Variants in TENM2 observed in about 807,000 individuals in gnomAD.
TENM2 encodes the protein teneurin transmembrane protein 2, also known as teneurin-2.
In TENM2, 52 loss-of-function variants were observed where a neutral mutation model predicts 245.2. The ratio of observed to expected loss-of-function variants is 0.21; its 90% CI spans 0.17 to 0.27. The LOEUF (loss-of-function observed/expected upper bound fraction) is 0.27. TENM2 is among the 10% of genes least tolerant of loss of function. TENM2 has a pLI of 1.00. For synonymous variants in TENM2, 1,363 were observed against 1,438.9 expected (o/e 0.95, Z 1.19); for missense variants, 3,046 against 3,666.8 (o/e 0.83, Z 4.37).
chr5:167,700,061 C>A (rs1467356984), intron 2 of TENM2, among the ~76,000 whole-genome samples: 1 of 152,026 alleles, frequency 6.6e-6, no homozygotes, highest in Non-Finnish European at 1.5e-5. Flanking sequence ...GTTCTTCAGA[C>A]CTCTTCACAG....
the TENM2 span, among the ~76,000 whole-genome samples, chr5:167,231,404 C>G: frequency 6.6e-6 from 1 of 152,164 alleles, no homozygotes; most frequent in African/African-American, 2.4e-5. Flanking sequence ...CTCAGATGGT[C>G]TCACATGGAA....
intron 2 of TENM2, among the ~76,000 whole-genome samples, chr5:167,445,369 A>AGAGAGAGAGAGAGTGAGTGAGT (rs35699708): frequency 4.1e-5 from 4 of 98,576 alleles, no homozygotes; most frequent in African/African-American, 1.5e-4. Flanking sequence ...AGAGAGAGAG[A>AGAGAGAGAGAGAGTGAGTGAGT]GTGTCAGGTG....
At chr5:167,849,148 T>C (rs1327908220) in intron 2 of TENM2, among the ~76,000 whole-genome samples, 1 of 152,162 alleles carries the variant, frequency 6.6e-6, no homozygotes, top group Non-Finnish European at 1.5e-5. Context: ...TTTCCAGCTT[T>C]TATAAGCTGC....
At chr5:168,128,015 A>G (rs902985985) in intron 12 of TENM2, among the ~76,000 whole-genome samples, 1 of 152,214 alleles carries the variant, frequency 6.6e-6, no homozygotes, top group African/African-American at 2.4e-5. Flanking sequence ...GGGCTGATTC[A>G]TGAGATCAGA....
chr5:168,031,871 C>T (rs1443048651), intron 5 of TENM2, among the ~76,000 whole-genome samples: 1 of 152,074 alleles, frequency 6.6e-6, no homozygotes, highest in Non-Finnish European at 1.5e-5. Context: ...CTCACAGCTA[C>T]TAAAAACCAA....
At chr5:167,950,180 A>G (rs950347825) in intron 3 of TENM2, among the ~76,000 whole-genome samples, 1 of 152,142 alleles carries the variant, frequency 6.6e-6, no homozygotes, top group Non-Finnish European at 1.5e-5. Context: ...AAAACTCCCA[A>G]TTCATTTTAT....
At chr5:168,158,870 T>C (rs186588334) in intron 12 of TENM2, among the ~76,000 whole-genome samples, 1,745 of 113,710 alleles carry the variant, frequency 0.015, 51 homozygotes, top group Admixed American at 0.068. Context: ...CACACACACA[T>C]ATATATGTAT....
At chr5:167,229,630 G>C in the TENM2 span, among the ~76,000 whole-genome samples, 1 of 152,176 alleles carries the variant, frequency 6.6e-6, no homozygotes, top group African/African-American at 2.4e-5. Flanking sequence ...CAGAGCCCAA[G>C]GGAAGTTTCA....
intron 2 of TENM2, among the ~76,000 whole-genome samples, chr5:167,654,194 A>T (rs1358287236): frequency 2.0e-5 from 3 of 151,840 alleles, no homozygotes; most frequent in African/African-American, 7.3e-5. Context: ...TCTCTCAGTT[A>T]TGGCATGTAT....
intron 2 of TENM2, among the ~76,000 whole-genome samples, chr5:167,657,337 T>C (rs2150310628): frequency 6.6e-6 from 1 of 152,344 alleles, no homozygotes; most frequent in South Asian, 2.1e-4. Context: ...GGCTGAATAC[T>C]ACTCTATTGT....
At chr5:167,354,548 C>G (rs1759186131) in intron 1 of TENM2, among the ~76,000 whole-genome samples, 1 of 152,124 alleles carries the variant, frequency 6.6e-6, no homozygotes, top group African/African-American at 2.4e-5. Context: ...GGCTTTATGT[C>G]TAGTCCCTGG....
chr5:167,987,746 G>A (rs555425121), intron 4 of TENM2, among the ~76,000 whole-genome samples: 41 of 152,148 alleles, frequency 2.7e-4, no homozygotes, highest in African/African-American at 8.4e-4. Flanking sequence ...GGGACCAGGC[G>A]ATCACTTGAG....
chr5:167,212,874 G>A, the TENM2 span, among the ~76,000 whole-genome samples: 2 of 152,114 alleles, frequency 1.3e-5, no homozygotes, highest in South Asian at 4.1e-4. Flanking sequence ...GAGAGCTGGG[G>A]GATTTACATC....
At chr5:167,365,448 A>G (rs1368466071) in intron 1 of TENM2, among the ~76,000 whole-genome samples, 1 of 151,896 alleles carries the variant, frequency 6.6e-6, no homozygotes. Flanking sequence ...GAAATGGAAA[A>G]TAAACAATAC....
chr5:167,464,336 C>A (rs1766510030), intron 2 of TENM2, among the ~76,000 whole-genome samples: 2 of 152,124 alleles, frequency 1.3e-5, no homozygotes, highest in Non-Finnish European at 2.9e-5. Context: ...CAGGTAAACC[C>A]TAATACCATC....
intron 2 of TENM2, among the ~76,000 whole-genome samples, chr5:167,549,122 C>T (rs1188431927): frequency 6.6e-6 from 1 of 152,126 alleles, no homozygotes; most frequent in African/African-American, 2.4e-5. Context: ...TATATCAGCT[C>T]AGCCAATCGT....
intron 2 of TENM2, among the ~76,000 whole-genome samples, chr5:167,758,845 A>G (rs1363396039): frequency 6.6e-6 from 1 of 152,042 alleles, no homozygotes; most frequent in Non-Finnish European, 1.5e-5. Context: ...TTTGGGTGTC[A>G]TCTGCTTTCA....
chr5:167,544,289 A>T (rs1772405184), intron 2 of TENM2, among the ~76,000 whole-genome samples: 1 of 152,160 alleles, frequency 6.6e-6, no homozygotes, highest in Admixed American at 6.5e-5. Context: ...ACAGAATGTG[A>T]TACTTACGTG....
At chr5:168,207,023 AG>A (rs1410647827) in intron 19 of TENM2, among the ~76,000 whole-genome samples, 1 of 152,150 alleles carries the variant, frequency 6.6e-6, no homozygotes, top group African/African-American at 2.4e-5. Context: ...GCCCAGTGTC[AG>A]GGCCCCCTCT....
Sources: gnomAD v4.1 joint callset for allele counts (sites outside exome capture counted in the v4.1 genomes callset) on GRCh38, gnomAD v4.1.1 for gene constraint, MANE v1.5 for transcripts, NCBI Gene and HGNC (gene_info 2026-07-23, HGNC 2026-07-21) for gene names.